CAMK2D: variants seen among roughly 807,000 people sequenced by gnomAD.
CAMK2D encodes calcium/calmodulin-dependent protein kinase type II subunit delta.
A neutral mutation model predicts 84.0 loss-of-function variants in CAMK2D; 37 were observed. That is an observed-to-expected ratio of 0.44 (90% CI 0.34 to 0.58). The LOEUF is 0.58. CAMK2D is among the 20% of genes least tolerant of loss of function. The pLI, the probability that CAMK2D is intolerant of heterozygous loss-of-function variation, is 0.02. For missense variants in CAMK2D, 448 were observed against 652.5 expected, an observed-to-expected ratio of 0.69 and a Z score of 3.41; for synonymous variants, 202 against 212.5, an observed-to-expected ratio of 0.95 and a Z score of 0.43.
At chr4:113,496,304 A>C (rs2097929578) in intron 16 of CAMK2D, among the ~76,000 whole-genome samples, 1 of 152,232 alleles carries the variant, frequency 6.6e-6, no homozygotes, top group Non-Finnish European at 1.5e-5. Context: ...TGACTATTTC[A>C]ACAATTTTTG....
chr4:113,684,986 A>T (rs2099355537), intron 2 of CAMK2D, among the ~76,000 whole-genome samples: 1 of 152,156 alleles, frequency 6.6e-6, no homozygotes, highest in East Asian at 1.9e-4. Flanking sequence ...GCAGCAGATG[A>T]CCAGACAGGC....
At chr4:113,529,744 G>C (rs2098445549) in intron 8 of CAMK2D, among the ~76,000 whole-genome samples, 1 of 152,142 alleles carries the variant, frequency 6.6e-6, no homozygotes, top group Non-Finnish European at 1.5e-5. Context: ...TCAGACTTCT[G>C]TCCCCTCGGG....
Position 113,493,627 on chromosome 4 carries a change from T to C in CAMK2D, c.1135+6836A>G, listed in dbSNP as rs1590122018. Among the ~76,000 whole-genome samples the C allele has an allele frequency of 2.6e-5, 4 of 151,876 alleles. No individual in the cohort carries two copies. In the South Asian group the frequency reaches 6.2e-4, roughly 24 times the overall value. The stretch of plus-strand genomic sequence containing the variant: ...AATCTGACAATTATGTGTCTTGGAG[T>C]TGCTCTTCTCGAGGAGTATCTTTGT... On this transcript the variant is annotated intron_variant, in intron 16 of 20. Coordinates refer to ENST00000511664, the MANE Select transcript of CAMK2D (RefSeq NM_001321571.2).
At chr4:113,542,177 C>T (rs1185425583) in intron 6 of CAMK2D, among the ~76,000 whole-genome samples, 3 of 152,126 alleles carry the variant, frequency 2.0e-5, no homozygotes, top group African/African-American at 7.2e-5. Context: ...TGCCAATTAC[C>T]CACAGCTTCT....
At chr4:113,534,274 G>A (rs555335859) in intron 7 of CAMK2D, among the ~76,000 whole-genome samples, 3 of 152,194 alleles carry the variant, frequency 2.0e-5, no homozygotes, top group South Asian at 2.1e-4. Flanking sequence ...TGAAAGAAAC[G>A]TAGAACACCA....
intron 4 of CAMK2D, among the ~76,000 whole-genome samples, chr4:113,584,979 C>T (rs2098827315): frequency 6.6e-6 from 1 of 152,192 alleles, no homozygotes; most frequent in African/African-American, 2.4e-5. Context: ...CTGAGTCACT[C>T]TCCCCTGCTG....
intron 6 of CAMK2D, 145 bp from the exon 7 acceptor site, chr4:113,537,588 G>C: frequency 1.6e-6 from 1 of 614,370 alleles, no homozygotes; most frequent in Non-Finnish European, 2.9e-6. Flanking sequence ...AAATCCCAGG[G>C]AAAATACAGT....
intron 2 of CAMK2D, among the ~76,000 whole-genome samples, chr4:113,752,496 A>T (rs1274648172): frequency 6.6e-6 from 1 of 152,020 alleles, no homozygotes; most frequent in East Asian, 1.9e-4. Flanking sequence ...GTTCAAAAGG[A>T]AACTACAAAA....
At chr4:113,608,872 G>C (rs2098988189) in intron 4 of CAMK2D, among the ~76,000 whole-genome samples, 1 of 152,056 alleles carries the variant, frequency 6.6e-6, no homozygotes, top group African/African-American at 2.4e-5. Flanking sequence ...TGTGCTACAA[G>C]GTAGAATTGA....
intron 3 of CAMK2D, among the ~76,000 whole-genome samples, chr4:113,614,079 A>G (rs949613173): frequency 6.6e-6 from 1 of 152,140 alleles, no homozygotes; most frequent in East Asian, 1.9e-4. Flanking sequence ...TTGAGACTTA[A>G]TATCTTTCCT....
intron 7 of CAMK2D, among the ~76,000 whole-genome samples, chr4:113,534,291 C>A (rs2098475821): frequency 6.6e-6 from 1 of 151,868 alleles, no homozygotes. Context: ...ACCACATCTC[C>A]TTTTTTCTCA....
At chr4:113,459,765 T>G (rs1439003349) in intron 18 of CAMK2D, among the ~76,000 whole-genome samples, 2 of 151,882 alleles carry the variant, frequency 1.3e-5, no homozygotes, top group African/African-American at 4.8e-5. Flanking sequence ...TAGCTGGGAT[T>G]ACAGGTGTGC....
At chr4:113,611,047 A>AAC (rs141563975) in intron 3 of CAMK2D, among the ~76,000 whole-genome samples, 8,041 of 148,682 alleles carry the variant, frequency 0.054, 236 homozygotes, top group Middle Eastern at 0.13. Flanking sequence ...ATATACACAT[A>AAC]ACACACACAC....
In CAMK2D at chr4:113,738,739, A is replaced by G. The variant is rs537813450; in HGVS notation, c.160+20581T>C. Among the ~76,000 whole-genome samples the G allele has an allele frequency of 3.0e-3, 461 of 152,256 alleles. 3 individuals are homozygous for G. The highest frequency in any genetic ancestry group is 0.01 in the African/African-American group (432 of 41,570). ...TCAAATATCAAGGGAAATTTTCCCA[A>G]TATGAACTTTCCCATGTCACTGAAA... On this transcript the variant is annotated intron_variant, in intron 2 of 20. Coordinates refer to ENST00000511664, the MANE Select transcript of CAMK2D (RefSeq NM_001321571.2).
chr4:113,547,228 T>C (rs1371757572), intron 6 of CAMK2D, among the ~76,000 whole-genome samples: 1 of 152,158 alleles, frequency 6.6e-6, no homozygotes, highest in Admixed American at 6.5e-5. Flanking sequence ...ACCTAATAAC[T>C]TTATCTCTAC....
intron 8 of CAMK2D, among the ~76,000 whole-genome samples, chr4:113,522,144 A>G (rs553801040): frequency 1.3e-5 from 2 of 152,336 alleles, no homozygotes; most frequent in South Asian, 4.1e-4. Context: ...AATGTTAAAA[A>G]AGTTGTTAAA....
At chr4:113,536,831 T>A (rs1458621837) in intron 7 of CAMK2D, among the ~76,000 whole-genome samples, 2 of 152,220 alleles carry the variant, frequency 1.3e-5, no homozygotes, top group African/African-American at 4.8e-5. Context: ...GAAACTGGCA[T>A]GTTGAAGACA....
intron 6 of CAMK2D, 53 bp downstream of exon 6, chr4:113,547,591 A>T: frequency 8.5e-7 from 1 of 1,170,606 alleles, no homozygotes; most frequent in South Asian, 1.4e-5. Context: ...ATTGCAGCTG[A>T]ACAGTCATTA....
At chr4:113,759,275 T>C in intron 2 of CAMK2D, 45 bp downstream of exon 2, 3 of 1,210,656 alleles carry the variant, frequency 2.5e-6, no homozygotes, top group East Asian at 2.3e-5. Flanking sequence ...ATAATCAACA[T>C]GACAAATACA....
Sources: gnomAD v4.1 joint callset for allele counts (sites outside exome capture counted in the v4.1 genomes callset) on GRCh38, gnomAD v4.1.1 for gene constraint, MANE v1.5 for transcripts, NCBI Gene and HGNC (gene_info 2026-07-23, HGNC 2026-07-21) for gene names.